The following MCC variants were observed in gnomAD, a reference collection of about 807,000 sequenced individuals.
The protein encoded by MCC is colorectal mutant cancer protein.
In MCC, 90 loss-of-function variants were observed where a neutral mutation model predicts 116.2. The observed-to-expected ratio is 0.77, with a 90% CI of 0.65 to 0.92. MCC has a LOEUF of 0.92. Among genes scored for constraint, MCC ranks in the 40% least tolerant of loss-of-function variants. The probability of loss-of-function intolerance (pLI) is 0.00; values close to 1 mark genes in which losing one functional copy is unlikely to be tolerated. For missense variants in MCC, 1,516 were observed against 1,312.2 expected (o/e 1.16, Z -2.40); for synonymous variants, 578 against 510.5 (o/e 1.13, Z -1.78).
intron 5 of MCC, among the ~76,000 whole-genome samples, chr5:113,132,461 C>T (rs1359074594): frequency 0.55 from 74,493 of 135,458 alleles, 22,281 homozygotes; most frequent in East Asian, 0.74. Context: ...CACACACACA[C>T]ACACACACAC....
chr5:113,372,160 C>A (rs900190147), intron 2 of MCC, among the ~76,000 whole-genome samples: 1 of 152,136 alleles, frequency 6.6e-6, no homozygotes, highest in Non-Finnish European at 1.5e-5. Context: ...TCCCTTCATG[C>A]CAGAATTACC....
At chr5:113,419,631 A>G (rs1029199801) in intron 1 of MCC, among the ~76,000 whole-genome samples, 1 of 151,986 alleles carries the variant, frequency 6.6e-6, no homozygotes, top group Non-Finnish European at 1.5e-5. Flanking sequence ...CAAATGTCCA[A>G]CAATGATAGA....
Position 113,467,028 on chromosome 5 carries a change from GTTGT to G in MCC, c.170+21213_170+21216del, listed in dbSNP as rs1174597708. On this transcript the variant is annotated intron_variant, in intron 1 of 18. Coordinates refer to ENST00000408903, the MANE Select transcript of MCC (RefSeq NM_001085377.2). ...TATCCTTTGCCCACTTTTTGATGGG[GTTGT>G]TTGTTTTTTTCTTGTAAATTTGTTT... Among the ~76,000 whole-genome samples the G allele has an allele frequency of 4.5e-3, 678 of 150,672 alleles. 5 individuals carry two copies. Among genetic ancestry groups the G allele is most frequent in the African/African-American group, 0.015 (621 of 41,118 alleles).
chr5:113,429,017 C>T (rs546523781), intron 1 of MCC, among the ~76,000 whole-genome samples: 1 of 152,268 alleles, frequency 6.6e-6, no homozygotes, highest in Admixed American at 6.5e-5. Context: ...TCTGTAATCA[C>T]ACTATATCTA....
At chr5:113,121,370 T>TAGTTCCTGCCTACCTCTCCAG (rs1475975746) in intron 6 of MCC, among the ~76,000 whole-genome samples, 3 of 152,256 alleles carry the variant, frequency 2.0e-5, no homozygotes, top group Non-Finnish European at 4.4e-5. Context: ...TGTCATGGCC[T>TAGTTCCTGCCTACCTCTCCAG]GTAAGACTCT....
chr5:113,442,973 G>C (rs190922676), intron 1 of MCC, among the ~76,000 whole-genome samples: 25 of 152,172 alleles, frequency 1.6e-4, no homozygotes, highest in Admixed American at 1.6e-3. Flanking sequence ...GATTGTTTTG[G>C]CTATGCAAGG....
intron 16 of MCC, among the ~76,000 whole-genome samples, chr5:113,046,722 T>G (rs1752116405): frequency 1.1e-5 from 1 of 89,580 alleles, no homozygotes; most frequent in Non-Finnish European, 2.5e-5. Flanking sequence ...GAGAGAGATT[T>G]TGAAGGTGTT....
chr5:113,275,959 T>TCA (rs1244814632), intron 3 of MCC, among the ~76,000 whole-genome samples: 1 of 151,216 alleles, frequency 6.6e-6, no homozygotes, highest in Non-Finnish European at 1.5e-5. Context: ...AAAATTGATT[T>TCA]CACTTGTTTT....
chr5:113,152,651 T>C (rs1361713798), intron 3 of MCC, among the ~76,000 whole-genome samples: 4 of 152,142 alleles, frequency 2.6e-5, no homozygotes, highest in African/African-American at 7.2e-5. Context: ...ACACAGCATG[T>C]TGGCTGGCAG....
At chr5:113,061,452 A>T (rs545212618) in intron 14 of MCC, among the ~76,000 whole-genome samples, 15 of 152,296 alleles carry the variant, frequency 9.8e-5, no homozygotes, top group African/African-American at 3.6e-4. Context: ...CTTTGTCATG[A>T]TATGTTGATA....
intron 3 of MCC, among the ~76,000 whole-genome samples, chr5:113,194,602 G>C (rs538305685): frequency 2.0e-5 from 3 of 152,038 alleles, no homozygotes; most frequent in Non-Finnish European, 4.4e-5. Context: ...AGGCTGCAGC[G>C]AACCAAGATT....
intron 3 of MCC, among the ~76,000 whole-genome samples, chr5:113,194,464 A>T (rs532155056): frequency 6.6e-6 from 1 of 152,298 alleles, no homozygotes; most frequent in South Asian, 2.1e-4. Context: ...CAGGAGTTCA[A>T]TATCAGCCTG....
chr5:113,299,011 G>A (rs985519746), intron 3 of MCC, among the ~76,000 whole-genome samples: 11 of 151,736 alleles, frequency 7.2e-5, no homozygotes, highest in African/African-American at 2.2e-4. Flanking sequence ...CTTCCAGGCC[G>A]GATGCAGTGG....
chr5:113,292,692 G>C (rs1488382297), intron 3 of MCC, among the ~76,000 whole-genome samples: 1 of 152,170 alleles, frequency 6.6e-6, no homozygotes, highest in Non-Finnish European at 1.5e-5. Context: ...CCTTCACTCA[G>C]GGTTCTAGCC....
At chr5:113,266,043 C>CA (rs2150350729) in intron 3 of MCC, among the ~76,000 whole-genome samples, 1 of 152,258 alleles carries the variant, frequency 6.6e-6, no homozygotes, top group South Asian at 2.1e-4. Context: ...ATAAGACCCT[C>CA]ACAGTATGGG....
chr5:113,363,194 T>C (rs191515847), intron 2 of MCC, among the ~76,000 whole-genome samples: 93 of 152,288 alleles, frequency 6.1e-4, no homozygotes, highest in African/African-American at 2.1e-3. Context: ...GGAGAATTGC[T>C]TGAACCAGGG....
intron 3 of MCC, among the ~76,000 whole-genome samples, chr5:113,232,153 T>A (rs564639987): frequency 6.6e-6 from 1 of 152,168 alleles, no homozygotes; most frequent in African/African-American, 2.4e-5. Flanking sequence ...ACTTTTAACA[T>A]TGAATTTTCT....
Position 113,434,795 on chromosome 5 carries a change from C to T in MCC, c.171-49583G>A, listed in dbSNP as rs770098885. ...CATAGGAGCCCTCTCCTAAATTTAT[C>T]CCCAGGAGGTAGCCTCGTCGCTTGA... On this transcript the variant is annotated intron_variant, in intron 1 of 18. Coordinates refer to ENST00000408903, the MANE Select transcript of MCC (RefSeq NM_001085377.2). The surrounding 1 kb of genome is among the most constrained non-coding windows in gnomAD (Gnocchi z 4.2). 3.1e-6 allele frequency: 5 copies of T among 1,613,046 alleles called. No homozygotes were observed. The highest frequency in any genetic ancestry group is 4.2e-6 in the Non-Finnish European group (5 of 1,179,196).
intron 3 of MCC, among the ~76,000 whole-genome samples, chr5:113,254,460 AAAAT>A (rs1335113413): frequency 6.6e-6 from 1 of 152,226 alleles, no homozygotes; most frequent in African/African-American, 2.4e-5. Context: ...TATAATCAAG[AAAAT>A]AAATTATAGT....
Sources: gnomAD v4.1 joint callset for allele counts (sites outside exome capture counted in the v4.1 genomes callset) on GRCh38, gnomAD v4.1.1 for gene constraint, Gnocchi (gnomAD v3.1) non-coding constraint, MANE v1.5 for transcripts, NCBI Gene and HGNC (gene_info 2026-07-23, HGNC 2026-07-21) for gene names.